The following PPFIA2 variants were observed in gnomAD, a reference collection of about 807,000 sequenced individuals.
The protein encoded by PPFIA2 is liprin-alpha-2.
PPFIA2 carries 46 observed loss-of-function variants against 175.5 expected under a neutral mutation model. The ratio of observed to expected loss-of-function variants is 0.26; its 90% CI spans 0.21 to 0.34. The LOEUF (loss-of-function observed/expected upper bound fraction) is 0.34. Among genes scored for constraint, PPFIA2 ranks in the 10% least tolerant of loss-of-function variants. The pLI, the probability that PPFIA2 is intolerant of heterozygous loss-of-function variation, is 1.00. For synonymous variants in PPFIA2, 568 were observed against 511.4 expected, an observed-to-expected ratio of 1.11 and a Z score of -1.49; for missense variants, 1,179 against 1,506.1, an observed-to-expected ratio of 0.78 and a Z score of 3.60.
chr12:81,493,173 G>A (rs575790960), intron 4 of PPFIA2, among the ~76,000 whole-genome samples: 1 of 152,226 alleles, frequency 6.6e-6, no homozygotes, highest in South Asian at 2.1e-4. Context: ...AGACAACTAA[G>A]TTAAGATACA....
At chr12:81,729,522 A>C (rs1343933) in intron 3 of PPFIA2, among the ~76,000 whole-genome samples, 25,922 of 151,546 alleles carry the variant, frequency 0.17, 2,681 homozygotes, top group Middle Eastern at 0.29. Flanking sequence ...ATATTTTTAA[A>C]AGTAGCCTCA....
At chr12:81,542,885 T>C (rs1044515936) in intron 4 of PPFIA2, among the ~76,000 whole-genome samples, 1 of 152,126 alleles carries the variant, frequency 6.6e-6, no homozygotes, top group South Asian at 2.1e-4. Context: ...GTTCAAGCTA[T>C]AAAACTACCT....
At chr12:81,668,232 T>C (rs762622450) in intron 4 of PPFIA2, among the ~76,000 whole-genome samples, 3 of 152,108 alleles carry the variant, frequency 2.0e-5, no homozygotes, top group African/African-American at 4.8e-5. Flanking sequence ...GCAGTCATCA[T>C]ATAAAGGGTT....
intron 3 of PPFIA2, among the ~76,000 whole-genome samples, chr12:81,680,236 A>G (rs2073360684): frequency 6.6e-6 from 1 of 152,022 alleles, no homozygotes; most frequent in African/African-American, 2.4e-5. Flanking sequence ...ATTTGTATCT[A>G]ATAGATAATA....
intron 4 of PPFIA2, among the ~76,000 whole-genome samples, chr12:81,466,196 C>T (rs2146110174): frequency 6.6e-6 from 1 of 152,202 alleles, no homozygotes; most frequent in East Asian, 1.9e-4. Context: ...GGTTTAAATT[C>T]CATGTGCATT....
intron 7 of PPFIA2, among the ~76,000 whole-genome samples, chr12:81,435,812 G>A (rs921606777): frequency 1.3e-5 from 2 of 152,026 alleles, no homozygotes; most frequent in Admixed American, 6.5e-5. Flanking sequence ...AGAAAAAAAT[G>A]TTTGGATAAG....
chr12:81,294,952 G>A lies in PPFIA2; in HGVS notation c.2808C>T (p.Asp936=), dbSNP rs1303098535. ...KSGAIMSALS[D]TEIQREIGIS... is the part of the protein sequence containing the mutation. ...TTCCAATTTCTCTCTGGATCTCAGT[G>A]TCAGATAAAGCAGACATGATGGCAC... Residue 936 remains aspartate, a synonymous_variant, in exon 24 of 33, where the codon GAC becomes GAT. Transcript: ENST00000549396. The A allele has an allele frequency of 6.2e-7, 1 of 1,613,730 alleles. No homozygotes were observed. Among genetic ancestry groups the A allele is most frequent in the Non-Finnish European group, 8.5e-7 (1 of 1,179,780 alleles).
chr12:81,629,129 C>G (rs997275753), intron 4 of PPFIA2, among the ~76,000 whole-genome samples: 14 of 151,976 alleles, frequency 9.2e-5, no homozygotes, highest in African/African-American at 3.4e-4. Flanking sequence ...TGAGATCATA[C>G]GAGCTTTGAA....
chr12:81,669,435 G>A (rs2071000792), intron 4 of PPFIA2, among the ~76,000 whole-genome samples: 1 of 151,876 alleles, frequency 6.6e-6, no homozygotes, highest in Admixed American at 6.6e-5. Flanking sequence ...GAACTCATAT[G>A]CCAAGTATTA....
At chr12:81,550,826 GA>G (rs1200488177) in intron 4 of PPFIA2, among the ~76,000 whole-genome samples, 1 of 151,758 alleles carries the variant, frequency 6.6e-6, no homozygotes, top group African/African-American at 2.4e-5. Context: ...ACTCTGGGGG[GA>G]AAATCTATAT....
At chr12:81,374,588 C>A in intron 11 of PPFIA2, 46 bp downstream of exon 11, 1 of 1,526,250 alleles carries the variant, frequency 6.6e-7, no homozygotes, top group Non-Finnish European at 8.8e-7. Context: ...ATTACAAGTC[C>A]TTTCTACAAA....
intron 4 of PPFIA2, among the ~76,000 whole-genome samples, chr12:81,484,161 A>C (rs1250306705): frequency 2.6e-5 from 4 of 152,024 alleles, no homozygotes; most frequent in Admixed American, 2.6e-4. Context: ...CCTATGAAAG[A>C]CCAAATAAAA....
At position 81,269,227 on chromosome 12, in the gene PPFIA2, T is replaced by C. The variant is rs2038348171; in HGVS notation, c.3311-1140A>G. Among the ~76,000 whole-genome samples, 2 of 152,004 alleles carry C rather than the reference T, an allele frequency of 1.3e-5. 1 individual carries two copies. Among genetic ancestry groups the C allele is most frequent in the Admixed American group, 1.3e-4 (2 of 15,264 alleles). The stretch of plus-strand genomic sequence containing the variant: ...AAAATAGTCCGAAGGACTAAAATTG[T>C]CCATAGAAAAGAAAGAATTTTAAGA... On this transcript the variant is annotated intron_variant, in intron 28 of 32. Transcript: ENST00000549396.
intron 7 of PPFIA2, among the ~76,000 whole-genome samples, chr12:81,436,847 C>T (rs913817576): frequency 6.6e-6 from 1 of 152,018 alleles, no homozygotes; most frequent in African/African-American, 2.4e-5. Flanking sequence ...AATAGGGATT[C>T]GAGTTAAGCC....
intron 22 of PPFIA2, among the ~76,000 whole-genome samples, chr12:81,303,165 G>A (rs879396551): frequency 2.6e-5 from 4 of 152,122 alleles, no homozygotes; most frequent in Admixed American, 2.0e-4. Context: ...TTTTTTTAAA[G>A]GTCAAGTGAC....
At chr12:81,488,222 C>G (rs1270703343) in intron 4 of PPFIA2, among the ~76,000 whole-genome samples, 1 of 151,766 alleles carries the variant, frequency 6.6e-6, no homozygotes, top group African/African-American at 2.4e-5. Flanking sequence ...TTGTCATATA[C>G]AGAATAGGAC....
chr12:81,455,291 G>A (rs1180683095), intron 5 of PPFIA2, among the ~76,000 whole-genome samples: 4 of 152,172 alleles, frequency 2.6e-5, no homozygotes, highest in African/African-American at 9.7e-5. Context: ...GTGAGAGGTG[G>A]TTATGTAACT....
chr12:81,351,252 C>T (rs2059951819), intron 17 of PPFIA2, among the ~76,000 whole-genome samples: 1 of 151,642 alleles, frequency 6.6e-6, no homozygotes, highest in Admixed American at 6.6e-5. Context: ...TGTTTTATTG[C>T]CTTTGAAATG....
At chr12:81,736,151 T>G (rs543592745) in intron 3 of PPFIA2, among the ~76,000 whole-genome samples, 4 of 151,992 alleles carry the variant, frequency 2.6e-5, no homozygotes, top group Non-Finnish European at 4.4e-5. Flanking sequence ...ATAGACAAAT[T>G]TGGGCATATA....
Sources: gnomAD v4.1 joint callset for allele counts (sites outside exome capture counted in the v4.1 genomes callset) on GRCh38, gnomAD v4.1.1 for gene constraint, MANE v1.5 for transcripts, NCBI Gene and HGNC (gene_info 2026-07-23, HGNC 2026-07-21) for gene names.